The following FSTL4 variants were observed in gnomAD, a reference collection of about 807,000 sequenced individuals.
FSTL4 encodes the protein follistatin-related protein 4.
FSTL4 carries 28 observed loss-of-function variants against 78.2 expected under a neutral mutation model. The observed-to-expected ratio is 0.36, with a 90% CI of 0.27 to 0.49. The LOEUF is 0.49. Ranked by LOEUF, FSTL4 falls within the 20% of genes least tolerant of loss-of-function variation. The probability of loss-of-function intolerance (pLI) is 0.98; values close to 1 mark genes in which losing one functional copy is unlikely to be tolerated. For synonymous variants in FSTL4, 422 were observed against 440.5 expected, an observed-to-expected ratio of 0.96 and a Z score of 0.53; for missense variants, 922 against 1,084.9, an observed-to-expected ratio of 0.85 and a Z score of 2.11.
chr5:133,725,354 C>T, the FSTL4 span, among the ~76,000 whole-genome samples: 71 of 152,262 alleles, frequency 4.7e-4, no homozygotes, highest in African/African-American at 1.5e-3. Flanking sequence ...TGGTTAGTTC[C>T]GTGCAGTGAT....
intron 15 of FSTL4, among the ~76,000 whole-genome samples, chr5:133,200,560 T>A (rs969122385): frequency 5.9e-5 from 9 of 152,240 alleles, no homozygotes; most frequent in African/African-American, 1.7e-4. Context: ...GGATTTGATC[T>A]AAGAGGGAAC....
the FSTL4 span, among the ~76,000 whole-genome samples, chr5:133,656,148 T>C: frequency 4.6e-5 from 7 of 152,176 alleles, no homozygotes; most frequent in East Asian, 1.4e-3. Flanking sequence ...AAGAGGTACA[T>C]CTCAGGAGGC....
chr5:133,559,151 T>C (rs1424486606), intron 3 of FSTL4, among the ~76,000 whole-genome samples: 1 of 152,168 alleles, frequency 6.6e-6, no homozygotes, highest in Non-Finnish European at 1.5e-5. Flanking sequence ...TAAAGAAAGA[T>C]TGCCAAGCAG....
the FSTL4 span, among the ~76,000 whole-genome samples, chr5:133,620,388 CTTTTTAACACTG>C: frequency 3.9e-5 from 6 of 152,136 alleles, no homozygotes; most frequent in African/African-American, 7.2e-5. Context: ...CTATTTTTCT[CTTTTTAACACTG>C]TTTTTGAAGT....
chr5:133,625,667 T>C, the FSTL4 span, among the ~76,000 whole-genome samples: 11 of 142,564 alleles, frequency 7.7e-5, no homozygotes, highest in Admixed American at 6.6e-4. Context: ...TTGGGTCTAT[T>C]TTAGTCTTCA....
chr5:133,643,631 A>C, the FSTL4 span, among the ~76,000 whole-genome samples: 2 of 152,178 alleles, frequency 1.3e-5, no homozygotes, highest in African/African-American at 4.8e-5. Context: ...TCCACCAAGC[A>C]GGTCATCCAC....
chr5:133,748,385 C>G, the FSTL4 span, among the ~76,000 whole-genome samples: 15,609 of 151,912 alleles, frequency 0.1, 1,061 homozygotes, highest in East Asian at 0.19. Context: ...GCCTGGCTAA[C>G]ATGGTGAAAC....
intron 3 of FSTL4, among the ~76,000 whole-genome samples, chr5:133,512,763 C>T (rs539683065): frequency 6.6e-5 from 10 of 152,058 alleles, no homozygotes; most frequent in Non-Finnish European, 1.0e-4. Flanking sequence ...GCCTTAGTTG[C>T]CAACAGGGAG....
At chr5:133,558,707 C>A (rs1759850550) in intron 3 of FSTL4, among the ~76,000 whole-genome samples, 1 of 151,906 alleles carries the variant, frequency 6.6e-6, no homozygotes, top group Non-Finnish European at 1.5e-5. Context: ...AGAAATATAA[C>A]CCAAATAAGA....
At chr5:133,456,806 A>G (rs530482459) in intron 3 of FSTL4, among the ~76,000 whole-genome samples, 1 of 152,314 alleles carries the variant, frequency 6.6e-6, no homozygotes, top group East Asian at 1.9e-4. Flanking sequence ...CGAGCCCCCA[A>G]CTATCTGTGA....
chr5:133,499,330 G>A (rs1321030221), intron 3 of FSTL4, among the ~76,000 whole-genome samples: 7 of 147,480 alleles, frequency 4.7e-5, no homozygotes, highest in African/African-American at 1.7e-4. Flanking sequence ...GTGCCTGGGA[G>A]ATGTGGTAGG....
chr5:133,499,189 G>C (rs1253825490), intron 3 of FSTL4, among the ~76,000 whole-genome samples: 1 of 152,098 alleles, frequency 6.6e-6, no homozygotes, highest in Non-Finnish European at 1.5e-5. Flanking sequence ...ACACACAGGA[G>C]ATCTGCAAAG....
intron 4 of FSTL4, among the ~76,000 whole-genome samples, chr5:133,346,801 T>C (rs955479288): frequency 7.2e-5 from 11 of 152,174 alleles, no homozygotes; most frequent in Non-Finnish European, 1.6e-4. Flanking sequence ...TTTCTCAGTT[T>C]CTCTCTCGCC....
At chr5:133,818,971 G>C in the FSTL4 span, among the ~76,000 whole-genome samples, 1 of 48,826 alleles carries the variant, frequency 2.0e-5, no homozygotes, top group South Asian at 7.2e-4. Flanking sequence ...ACGTACGCAT[G>C]CACACACACA....
At chr5:133,561,495 C>T (rs753024526) in intron 3 of FSTL4, among the ~76,000 whole-genome samples, 1 of 152,154 alleles carries the variant, frequency 6.6e-6, no homozygotes, top group Non-Finnish European at 1.5e-5. Context: ...AAAAGTTTCA[C>T]CCTCTGAGAC....
chr5:133,548,484 A>G (rs949310932), intron 3 of FSTL4, among the ~76,000 whole-genome samples: 1 of 152,208 alleles, frequency 6.6e-6, no homozygotes, highest in Admixed American at 6.5e-5. Context: ...AGGCCTATAC[A>G]TTACAACTGA....
intron 2 of FSTL4, among the ~76,000 whole-genome samples, chr5:133,596,243 G>A (rs550088541): frequency 4.6e-5 from 7 of 152,304 alleles, no homozygotes; most frequent in African/African-American, 1.4e-4. Context: ...TGAAAAAGCA[G>A]GCCATGCTTC....
the FSTL4 span, among the ~76,000 whole-genome samples, chr5:133,678,699 C>T: frequency 5.9e-5 from 9 of 151,978 alleles, no homozygotes; most frequent in African/African-American, 2.2e-4. Context: ...GGAGAGAAGT[C>T]GGGGATGGAG....
the FSTL4 span, among the ~76,000 whole-genome samples, chr5:133,645,152 C>T: frequency 2.0e-5 from 3 of 152,104 alleles, no homozygotes; most frequent in Non-Finnish European, 4.4e-5. Flanking sequence ...AATTCTGTGT[C>T]CTTTCGAAAT....
Sources: gnomAD v4.1 joint callset for allele counts (sites outside exome capture counted in the v4.1 genomes callset) on GRCh38, gnomAD v4.1.1 for gene constraint, MANE v1.5 for transcripts, NCBI Gene and HGNC (gene_info 2026-07-23, HGNC 2026-07-21) for gene names.